KIAA0040: variants seen among roughly 807,000 people sequenced by gnomAD.
The protein encoded by KIAA0040 is uncharacterized protein KIAA0040.
Under a neutral mutation model 7.2 loss-of-function variants are expected in KIAA0040, and 10 were observed. That is an observed-to-expected ratio of 1.38 (90% CI 0.85 to 2.34). The LOEUF is 2.34. Among genes scored for constraint, KIAA0040 ranks in the 30% most tolerant of loss-of-function variants. KIAA0040 has a pLI of 0.00. For missense variants in KIAA0040, 89 were observed against 108.2 expected (o/e 0.82, Z 0.79); for synonymous variants, 49 against 40.1 (o/e 1.22, Z -0.84).
chr1:175,179,629 T>C (rs1312064712), intron 1 of KIAA0040, among the ~76,000 whole-genome samples: 1 of 152,196 alleles, frequency 6.6e-6, no homozygotes, highest in Non-Finnish European at 1.5e-5. Flanking sequence ...TCCTTCGAAC[T>C]GGCACCCAGA....
At chr1:175,172,302 T>C (rs1677023495) in intron 2 of KIAA0040, among the ~76,000 whole-genome samples, 1 of 152,236 alleles carries the variant, frequency 6.6e-6, no homozygotes, top group African/African-American at 2.4e-5. Context: ...TCCTCATATT[T>C]ACCTCCTCAA....
chr1:175,169,219 A>G (rs1024654394), intron 2 of KIAA0040, among the ~76,000 whole-genome samples: 3 of 152,258 alleles, frequency 2.0e-5, no homozygotes, highest in African/African-American at 4.8e-5. Context: ...TGATTTGCTT[A>G]TAACAAATGT....
intron 1 of KIAA0040, among the ~76,000 whole-genome samples, chr1:175,183,141 C>A (rs141722597): frequency 6.6e-6 from 1 of 152,324 alleles, no homozygotes; most frequent in East Asian, 1.9e-4. Flanking sequence ...TTGAAAATTT[C>A]TTTCCTTCTC....
intron 2 of KIAA0040, among the ~76,000 whole-genome samples, chr1:175,174,040 C>CCCT (rs1677086627): frequency 6.6e-6 from 1 of 151,996 alleles, no homozygotes; most frequent in South Asian, 2.1e-4. Flanking sequence ...CCCCACACCC[C>CCCT]AGTCCCCATC....
At chr1:175,181,031 T>C (rs1677420585) in intron 1 of KIAA0040, among the ~76,000 whole-genome samples, 1 of 152,042 alleles carries the variant, frequency 6.6e-6, no homozygotes, top group Admixed American at 6.6e-5. Flanking sequence ...ATTATTACTT[T>C]AGTAGAGACA....
intron 3 of KIAA0040, among the ~76,000 whole-genome samples, chr1:175,164,879 T>A (rs1446450399): frequency 6.6e-6 from 1 of 152,148 alleles, no homozygotes; most frequent in African/African-American, 2.4e-5. Flanking sequence ...AGTGAGAACT[T>A]CCATGGAATG....
At chr1:175,170,551 A>G (rs1193099037) in intron 2 of KIAA0040, among the ~76,000 whole-genome samples, 1 of 152,154 alleles carries the variant, frequency 6.6e-6, no homozygotes, top group Non-Finnish European at 1.5e-5. Flanking sequence ...GCTGTTTATC[A>G]CATAATAGGT....
At chr1:175,183,623 A>G (rs1312627658) in intron 1 of KIAA0040, among the ~76,000 whole-genome samples, 2 of 152,210 alleles carry the variant, frequency 1.3e-5, no homozygotes, top group African/African-American at 2.4e-5. Context: ...TGGCTCAGGT[A>G]AGTTGGTCGG....
chr1:175,174,031 C>T (rs1175766161), intron 2 of KIAA0040, among the ~76,000 whole-genome samples: 1 of 139,640 alleles, frequency 7.2e-6, no homozygotes, highest in African/African-American at 2.5e-5. Flanking sequence ...ATTCCCCGAC[C>T]CCACACCCCA....
Position 175,187,122 on chromosome 1 carries a change from T to C in KIAA0040, c.-384+5518A>G, listed in dbSNP as rs138559536. On this transcript the variant is annotated intron_variant, in intron 1 of 3. Transcript: ENST00000423313. The stretch of plus-strand genomic sequence containing the variant: ...CAGGACTGGCCTTAAGAGTAACTTA[T>C]TCTCTTTTGTTATTGACACATCTCC... Among the ~76,000 whole-genome samples, 353 of 152,298 alleles carry C rather than the reference T, an allele frequency of 2.3e-3. 10 individuals are homozygous for C. Among genetic ancestry groups the C allele is most frequent in the Admixed American group, 0.018 (282 of 15,298 alleles).
intron 2 of KIAA0040, among the ~76,000 whole-genome samples, chr1:175,169,466 G>C (rs10912901): frequency 4.6e-5 from 7 of 151,986 alleles, no homozygotes; most frequent in African/African-American, 1.7e-4. Flanking sequence ...TAGAAGTAGA[G>C]TGCCTCAGAG....
At chr1:175,164,812 T>C (rs941059355) in intron 3 of KIAA0040, among the ~76,000 whole-genome samples, 6 of 147,628 alleles carry the variant, frequency 4.1e-5, no homozygotes, top group African/African-American at 1.0e-4. Flanking sequence ...TTATGAGTCT[T>C]GCATTATTAG....
chr1:175,189,289 C>A (rs1677779895), intron 1 of KIAA0040, among the ~76,000 whole-genome samples: 1 of 152,182 alleles, frequency 6.6e-6, no homozygotes, highest in Admixed American at 6.5e-5. Context: ...TTGACTAATG[C>A]TCAGATTCAG....
Position 175,157,907 on chromosome 1 carries a change from T to C in KIAA0040, c.*2807A>G, listed in dbSNP as rs1172199623. 6.6e-6 allele frequency: 1 copy of C among 152,218 alleles called. No individual in the cohort carries two copies. Among genetic ancestry groups the C allele is most frequent in the African/African-American group, 2.4e-5 (1 of 41,388 alleles). The allele number at this position is 152,218 out of a possible 1,614,324, so 9.4% of individuals were successfully genotyped here. A position where few individuals can be genotyped will look rare whatever the true frequency, so the allele number is the denominator to read the frequency against. ...TACCCTCCCCAGATGAGTCAAGCAG[T>C]CTCTGGTCCTGAGGTCCCATGGGTT... On this transcript the variant is annotated 3_prime_UTR_variant, in exon 4 of 4. Coordinates refer to ENST00000423313, the MANE Select transcript of KIAA0040 (RefSeq NM_014656.3).
intron 3 of KIAA0040, among the ~76,000 whole-genome samples, chr1:175,161,688 T>A (rs1293907221): frequency 6.6e-6 from 1 of 152,178 alleles, no homozygotes; most frequent in East Asian, 1.9e-4. Flanking sequence ...TAAGAGGTCA[T>A]CAGTCCTCAT....
intron 3 of KIAA0040, among the ~76,000 whole-genome samples, chr1:175,163,249 C>T (rs1284534419): frequency 1.3e-5 from 2 of 152,240 alleles, no homozygotes; most frequent in African/African-American, 2.4e-5. Context: ...AACTTAAATG[C>T]TTATCCCAGT....
intron 1 of KIAA0040, among the ~76,000 whole-genome samples, chr1:175,181,359 C>A (rs971137907): frequency 6.6e-6 from 1 of 152,096 alleles, no homozygotes; most frequent in African/African-American, 2.4e-5. Flanking sequence ...GTTGTTGACA[C>A]CATTGTGGCC....
intron 1 of KIAA0040, 79 bp downstream of exon 1, chr1:175,192,561 T>C (rs1677906791): frequency 6.6e-6 from 1 of 152,184 alleles, no homozygotes; most frequent in Non-Finnish European, 1.5e-5. Flanking sequence ...AAGACAGGAG[T>C]GACTGGGCGT....
chr1:175,180,942 G>A (rs944930364), intron 1 of KIAA0040, among the ~76,000 whole-genome samples: 2 of 152,102 alleles, frequency 1.3e-5, no homozygotes, highest in Non-Finnish European at 2.9e-5. Flanking sequence ...TTTCTTGGGC[G>A]CAGGCAATCC....
Sources: allele counts gnomAD v4.1 joint callset (sites outside exome capture counted in the v4.1 genomes callset), GRCh38; gene constraint gnomAD v4.1.1; transcripts MANE v1.5; gene names NCBI Gene and HGNC (gene_info 2026-07-23, HGNC 2026-07-21).